AARS1: variants seen among roughly 807,000 people sequenced by gnomAD.
AARS1 encodes alanyl-tRNA synthetase 1, also known as alanine--tRNA ligase, cytoplasmic.
In AARS1, 72 loss-of-function variants were observed where a neutral mutation model predicts 108.9. The ratio of observed to expected loss-of-function variants is 0.66; its 90% confidence interval spans 0.55 to 0.80. AARS1 has a LOEUF of 0.80. AARS1 is among the 30% of genes least tolerant of loss of function. The pLI, the probability that AARS1 is intolerant of heterozygous loss-of-function variation, is 0.00. For missense variants in AARS1, 1,193 were observed against 1,233.2 expected (o/e 0.97, Z 0.49); for synonymous variants, 489 against 465.7 (o/e 1.05, Z -0.64).
At position 70,289,414 on chromosome 16, in the gene AARS1, G is replaced by T. The variant is rs954597275; in HGVS notation, c.-22+7C>A. The T allele has an allele frequency of 7.8e-6, 3 of 383,066 alleles. No homozygotes were observed. The East Asian group carries it at 2.2e-4, about 28-fold the overall frequency. 23.7% of individuals were successfully genotyped at this position (383,066 alleles called of 1,614,324 possible). A position where few individuals can be genotyped will look rare whatever the true frequency, so the allele number is the denominator to read the frequency against. ...TAGCACCGCAGAGCTCTCCGAGGGCGGCCTACCTCTCCTAGGGTCGCCGTC... is the reference window on the plus strand; with the variant it reads ...TAGCACCGCAGAGCTCTCCGAGGGCTGCCTACCTCTCCTAGGGTCGCCGTC... On this transcript the variant is annotated splice_region_variant and intron_variant, in intron 1 of 20. Coordinates refer to ENST00000261772, the MANE Select transcript of AARS1 (RefSeq NM_001605.3).
chr16:70,262,035 A>G (rs1162003202), intron 12 of AARS1, among the ~76,000 whole-genome samples: 1 of 152,178 alleles, frequency 6.6e-6, no homozygotes, highest in Non-Finnish European at 1.5e-5. Context: ...TAACTCATTC[A>G]GCAGCGGCAG....
chr16:70,262,404 T>C lies in AARS1; in HGVS notation c.1613A>G (p.Gln538Arg), dbSNP rs767936725. 6.2e-7 allele frequency: 1 copy of C among 1,614,192 alleles called. No homozygotes were observed. The highest frequency in any genetic ancestry group is 1.7e-5 in the Admixed American group (1 of 60,018). The change falls in exon 12 of 21, where the codon CAA (glutamine) becomes CGA (arginine). Residue 538 changes from glutamine (Q) to arginine (R), a missense_variant. By Grantham distance (43) the Gln-to-Arg change is conservative. Transcript: ENST00000261772. Reference sequence around the variant, plus strand: ...GCCTTCGTCATAGATCTGGCCTCCTTGCTCAGCATAGAAACAGGTCTTGTC... The same window carrying C: ...GCCTTCGTCATAGATCTGGCCTCCTCGCTCAGCATAGAAACAGGTCTTGTC... ...VLDKTCFYAE[Q>R]GGQIYDEGYL...
At chr16:70,255,207 TTTTTTTTTTG>T (rs1446050029) in intron 16 of AARS1, among the ~76,000 whole-genome samples, 4 of 147,418 alleles carry the variant, frequency 2.7e-5, no homozygotes, top group African/African-American at 1.0e-4. Context: ...TTTTTTTTTT[TTTTTTTTTTG>T]GAGACGGAGT....
chr16:70,271,893 A>C lies in AARS1; in HGVS notation c.559T>G (p.Cys187Gly), dbSNP rs1224512599. ...ATCCGGTCGTAGTGGATCTCACTGC[A>C]AGGACCACAGGGGCCCGTGTCACCC... Reference protein sequence around the residue: ...EMGDTGPCGPCSEIHYDRIGG... With the variant: ...EMGDTGPCGPGSEIHYDRIGG... Residue 187 changes from cysteine (C) to glycine (G), a missense_variant, in exon 5 of 21, where the codon TGC becomes GGC. Transcript: ENST00000261772. The C allele has an allele frequency of 6.2e-7, 1 of 1,614,062 alleles. No homozygotes were observed. Among genetic ancestry groups the C allele is most frequent in the African/African-American group, 1.3e-5 (1 of 74,936 alleles).
rs1417250487 is a variant in AARS1, at chr16:70,276,779, T to C, written c.334-148A>G. 3 of 1,185,656 alleles carry C rather than the reference T, an allele frequency of 2.5e-6. No homozygotes were observed. The South Asian group carries it at 3.9e-5, about 16-fold the overall frequency. The allele number at this position is 1,185,656 out of a possible 1,614,324, so 73.4% of individuals were successfully genotyped here. On this transcript the variant is annotated intron_variant, in intron 3 of 20. Coordinates refer to ENST00000261772, the MANE Select transcript of AARS1 (RefSeq NM_001605.3). ...GATCAGTTTATGTAAGAAATCCAAA[T>C]ATATACTGAAATCACCAAATTATAG...
At chr16:70,273,863 C>A (rs1179192614) in intron 4 of AARS1, among the ~76,000 whole-genome samples, 18 of 54,240 alleles carry the variant, frequency 3.3e-4, no homozygotes, top group Middle Eastern at 0.013. Flanking sequence ...ACTCCGTCTC[C>A]AAAAAAAAAA....
intron 4 of AARS1, among the ~76,000 whole-genome samples, chr16:70,272,506 C>CAAAAAAAA (rs34129241): frequency 5.9e-5 from 1 of 17,024 alleles, no homozygotes; most frequent in Non-Finnish European, 1.1e-4. Context: ...AACTCCATCT[C>CAAAAAAAA]AAAAAAAAAA....
intron 10 of AARS1, 72 bp from the exon 11 acceptor site, chr16:70,265,174 C>G (rs1960233924): frequency 1.3e-6 from 2 of 1,577,696 alleles, no homozygotes; most frequent in African/African-American, 2.7e-5. Flanking sequence ...CTGGAACTTG[C>G]TAAACTATGC....
In AARS1 at chr16:70,259,183, G is replaced by A. The variant is rs768830699; in HGVS notation, c.1789C>T (p.Arg597Ter). 14 of 1,613,822 alleles carry A rather than the reference G, an allele frequency of 8.7e-6. No homozygotes were observed. Among genetic ancestry groups the A allele is most frequent in the African/African-American group, 5.3e-5 (4 of 74,922 alleles). Residue 597 changes from arginine (R) to a stop codon, truncating the protein, a stop_gained, in exon 14 of 21, where the codon CGA (arginine) becomes TGA (stop). Coordinates refer to ENST00000261772, the MANE Select transcript of AARS1 (RefSeq NM_001605.3). LOFTEE classifies it high-confidence loss of function. ...DQVWLFIDEP[R>*]RRPIMSNHTA... is the part of the protein sequence containing the mutation. ...TGGTTGCTCATGATGGGTCTTCGTC[G>A]GGGCTGGAAAGGGCAGAGGGGCTCA...
chr16:70,289,299 C>G, intron 1 of AARS1, 122 bp downstream of exon 1: 1 of 346,864 alleles, frequency 2.9e-6, no homozygotes. Flanking sequence ...CCAGCCCAGA[C>G]TGGGCTTCTC....
At chr16:70,260,685 C>T (rs963302063) in intron 13 of AARS1, among the ~76,000 whole-genome samples, 4 of 151,240 alleles carry the variant, frequency 2.6e-5, no homozygotes, top group African/African-American at 4.9e-5. Context: ...TTTTTTGAGG[C>T]GGAGTCTCGC....
chr16:70,254,594 G>A, intron 17 of AARS1, 27 bp downstream of exon 17: 6 of 1,488,298 alleles, frequency 4.0e-6, no homozygotes, highest in Non-Finnish European at 5.6e-6. Context: ...CAGGCCCTGA[G>A]GACGGAGGGA....
intron 2 of AARS1, among the ~76,000 whole-genome samples, chr16:70,279,660 C>CAAAAAAA (rs1237907744): frequency 2.5e-5 from 1 of 39,402 alleles, no homozygotes; most frequent in Non-Finnish European, 5.6e-5. Context: ...AACTCTGTCT[C>CAAAAAAA]AAAAAAAAAC....
intron 11 of AARS1, 42 bp downstream of exon 11, chr16:70,264,916 C>G (rs372755314): frequency 6.2e-7 from 1 of 1,612,590 alleles, no homozygotes; most frequent in Admixed American, 1.7e-5. Flanking sequence ...CCCCCAGATA[C>G]GGGGCAGAAT....
chr16:70,270,076 G>T, intron 6 of AARS1, 120 bp downstream of exon 6: 2 of 1,279,540 alleles, frequency 1.6e-6, no homozygotes, highest in Non-Finnish European at 2.3e-6. Context: ...GAAGTAGGCA[G>T]ATGGAAATGG....
intron 16 of AARS1, among the ~76,000 whole-genome samples, chr16:70,255,060 C>T (rs1436289792): frequency 6.6e-6 from 1 of 152,140 alleles, no homozygotes; most frequent in African/African-American, 2.4e-5. Flanking sequence ...AGCACCCATC[C>T]TCTACTGCAC....
At chr16:70,262,996 A>AAAAAAAAAAAAAAAAAAAAAC (rs1555540563) in intron 11 of AARS1, among the ~76,000 whole-genome samples, 2 of 129,062 alleles carry the variant, frequency 1.5e-5, no homozygotes, top group Non-Finnish European at 3.1e-5. Flanking sequence ...AAAAAAAAAA[A>AAAAAAAAAAAAAAAAAAAAAC]AACAACAACA....
intron 11 of AARS1, among the ~76,000 whole-genome samples, chr16:70,262,967 C>CA (rs57444625): frequency 0.014 from 280 of 20,586 alleles, 48 homozygotes; most frequent in Admixed American, 0.059. Context: ...GACTCGGTCT[C>CA]AAAAAAAAAA....
chr16:70,254,754 C>T lies in AARS1; in HGVS notation c.2287-20G>A. The T allele has an allele frequency of 6.6e-7, 1 of 1,526,368 alleles. No homozygotes were observed. The highest frequency in any genetic ancestry group is 9.1e-7 in the Non-Finnish European group (1 of 1,100,946). 94.6% of individuals were successfully genotyped at this position (1,526,368 alleles called of 1,614,324 possible). A position where few individuals can be genotyped will look rare whatever the true frequency, so the allele number is the denominator to read the frequency against. On this transcript the variant is annotated intron_variant, in intron 16 of 20. Coordinates refer to ENST00000261772, the MANE Select transcript of AARS1 (RefSeq NM_001605.3). The stretch of plus-strand genomic sequence containing the variant: ...GAGGGCCTGGGAGGGGACACCGGGT[C>T]AACCCCAAGCAGGAGGTCTGAGTCA...
Sources: gnomAD v4.1 joint callset for allele counts (sites outside exome capture counted in the v4.1 genomes callset) on GRCh38, gnomAD v4.1.1 for gene constraint, MANE v1.5 for transcripts, NCBI Gene and HGNC (gene_info 2026-07-23, HGNC 2026-07-21) for gene names.